STX2: variants seen among roughly 807,000 people sequenced by gnomAD.
STX2 encodes the protein syntaxin-2.
Under a neutral mutation model 40.6 loss-of-function variants are expected in STX2, and 27 were observed. That is an observed-to-expected ratio of 0.66 (90% CI 0.49 to 0.92). STX2 has a LOEUF of 0.92. STX2 is among the 40% of genes least tolerant of loss of function. The pLI is 0.00. For synonymous variants in STX2, 123 were observed against 119.1 expected (o/e 1.03, Z -0.22); for missense variants, 328 against 366.1 (o/e 0.90, Z 0.85).
In STX2 at chr12:130,790,603, C is replaced by G. The variant is rs1950853774; in HGVS notation, c.*1420G>C. On this transcript the variant is annotated 3_prime_UTR_variant, in exon 11 of 11. Coordinates refer to ENST00000392373, the MANE Select transcript of STX2 (RefSeq NM_194356.4). Reference sequence around the variant, plus strand: ...TTTTGGAAATTAACTTTTAAAAGTTCAGCAAAACATTAGGTACTTAACAAC... The same window carrying G: ...TTTTGGAAATTAACTTTTAAAAGTTGAGCAAAACATTAGGTACTTAACAAC... The G allele has an allele frequency of 6.6e-6, 1 of 152,180 alleles. No homozygotes were observed. The highest frequency in any genetic ancestry group is 2.4e-5 in the African/African-American group (1 of 41,448). The allele number at this position is 152,180 out of a possible 1,614,324, so 9.4% of individuals were successfully genotyped here. A position where few individuals can be genotyped will look rare whatever the true frequency, so the allele number is the denominator to read the frequency against.
intron 2 of STX2, among the ~76,000 whole-genome samples, chr12:130,822,719 A>T (rs1273731858): frequency 6.6e-6 from 1 of 152,154 alleles, no homozygotes; most frequent in Non-Finnish European, 1.5e-5. Context: ...GGATCTGGAG[A>T]CGGGAAATGA....
intron 1 of STX2, among the ~76,000 whole-genome samples, chr12:130,833,911 C>T (rs1292534173): frequency 6.6e-6 from 1 of 152,174 alleles, no homozygotes; most frequent in Non-Finnish European, 1.5e-5. Flanking sequence ...ACTGAGGCTT[C>T]AGAGCACAAA....
chr12:130,791,707 C>T lies in STX2; in HGVS notation c.*316G>A, dbSNP rs76800241. 9.7e-3 allele frequency: 5,358 copies of T among 550,754 alleles called. 81 individuals are homozygous for T. The highest frequency in any genetic ancestry group is 0.045 in the African/African-American group (2,364 of 52,024). 34.1% of individuals were successfully genotyped at this position (550,754 alleles called of 1,614,324 possible). A position where few individuals can be genotyped will look rare whatever the true frequency, so the allele number is the denominator to read the frequency against. ...GTGTGTCATTCAGGGTCACGCATCA[C>T]ACCCACTGTGCTTACGGCGCTGTCA... On this transcript the variant is annotated 3_prime_UTR_variant, in exon 11 of 11. Coordinates refer to ENST00000392373, the MANE Select transcript of STX2 (RefSeq NM_194356.4).
At chr12:130,808,521 T>C in intron 5 of STX2, 110 bp downstream of exon 5, 1 of 968,938 alleles carries the variant, frequency 1.0e-6, no homozygotes, top group Middle Eastern at 2.2e-4. Context: ...GCAGAAATAC[T>C]ATGAGGATAA....
intron 2 of STX2, among the ~76,000 whole-genome samples, chr12:130,826,248 C>A (rs1952299446): frequency 6.6e-6 from 1 of 152,220 alleles, no homozygotes; most frequent in Non-Finnish European, 1.5e-5. Context: ...CCACGCACAC[C>A]TGACCCCTGC....
chr12:130,819,497 A>C (rs1166385741), intron 3 of STX2, among the ~76,000 whole-genome samples: 4 of 152,262 alleles, frequency 2.6e-5, no homozygotes, highest in Non-Finnish European at 5.9e-5. Context: ...TCACAAAACA[A>C]AACACAAAAA....
chr12:130,812,194 A>G lies in STX2; in HGVS notation c.280+763T>C, dbSNP rs1296325342. 1.3e-5 allele frequency: 3 copies of G among 227,080 alleles called. No homozygotes were observed. In the Admixed American group the frequency reaches 1.7e-4, roughly 13 times the overall value. 14.1% of individuals were successfully genotyped at this position (227,080 alleles called of 1,614,324 possible). A position where few individuals can be genotyped will look rare whatever the true frequency, so the allele number is the denominator to read the frequency against. ...CTGTTTAAAAAAAAAAAATCGTAAG[A>G]CCACTGGGGAAATTCTGCCTGGATA... On this transcript the variant is annotated intron_variant, in intron 4 of 10. Coordinates refer to ENST00000392373, the MANE Select transcript of STX2 (RefSeq NM_194356.4).
chr12:130,795,773 C>T (rs1754746583), intron 10 of STX2, among the ~76,000 whole-genome samples: 1 of 152,014 alleles, frequency 6.6e-6, no homozygotes, highest in Admixed American at 6.6e-5. Flanking sequence ...AAGAAGGTGA[C>T]CTTGGTTTAA....
intron 3 of STX2, among the ~76,000 whole-genome samples, chr12:130,818,741 AG>A (rs1205788212): frequency 6.6e-6 from 1 of 152,218 alleles, no homozygotes; most frequent in African/African-American, 2.4e-5. Context: ...CTGAGGGAAC[AG>A]GAAGCAGAGA....
intron 3 of STX2, among the ~76,000 whole-genome samples, chr12:130,817,361 T>C (rs1951898765): frequency 6.6e-6 from 1 of 151,918 alleles, no homozygotes; most frequent in Non-Finnish European, 1.5e-5. Flanking sequence ...AGACAATCGC[T>C]GAAGAGAAAT....
At chr12:130,818,927 T>G (rs1255873008) in intron 3 of STX2, among the ~76,000 whole-genome samples, 1 of 152,186 alleles carries the variant, frequency 6.6e-6, no homozygotes, top group African/African-American at 2.4e-5. Flanking sequence ...CCTGCAGGGC[T>G]GGATCCGCGT....
chr12:130,819,475 G>A (rs190793881), intron 3 of STX2, among the ~76,000 whole-genome samples: 126 of 152,246 alleles, frequency 8.3e-4, no homozygotes, highest in African/African-American at 2.8e-3. Flanking sequence ...CTACATTTTG[G>A]TTCACACTCT....
chr12:130,809,245 T>C (rs964681177), intron 4 of STX2, among the ~76,000 whole-genome samples: 7 of 151,838 alleles, frequency 4.6e-5, no homozygotes, highest in Non-Finnish European at 1.0e-4. Flanking sequence ...TACACACAGA[T>C]ATATATACAC....
intron 5 of STX2, 90 bp from the exon 6 acceptor site, chr12:130,807,180 T>C: frequency 8.2e-7 from 1 of 1,225,898 alleles, no homozygotes; most frequent in Non-Finnish European, 1.2e-6. Flanking sequence ...AAACTCAAAC[T>C]ACATGTTATT....
intron 1 of STX2, among the ~76,000 whole-genome samples, chr12:130,837,379 C>T (rs1430952158): frequency 3.3e-5 from 5 of 152,088 alleles, no homozygotes; most frequent in African/African-American, 7.2e-5. Context: ...CTGCAACCTC[C>T]GCCTCCTGGA....
In STX2 at chr12:130,810,236, T is replaced by C. The variant is rs1051413648; in HGVS notation, c.281-1532A>G. Among the ~76,000 whole-genome samples, 8 of 152,242 alleles carry C rather than the reference T, an allele frequency of 5.3e-5. No homozygotes were observed. The South Asian group carries it at 1.4e-3, about 28-fold the overall frequency. On this transcript the variant is annotated intron_variant, in intron 4 of 10. Transcript: ENST00000392373. Reference sequence around the variant, plus strand: ...TCAGTGAGAACCAGAATTTGGGGCATAGTTGAAAGGAAATAAAGATGTAAT... The same window carrying C: ...TCAGTGAGAACCAGAATTTGGGGCACAGTTGAAAGGAAATAAAGATGTAAT...
intron 1 of STX2, among the ~76,000 whole-genome samples, chr12:130,833,477 C>T (rs557144577): frequency 8.5e-4 from 123 of 145,546 alleles, no homozygotes; most frequent in Non-Finnish European, 1.7e-3. Flanking sequence ...GTGGCAGGAT[C>T]TTGGCTTACT....
intron 1 of STX2, among the ~76,000 whole-genome samples, chr12:130,832,009 T>C (rs1453147095): frequency 6.6e-6 from 1 of 151,986 alleles, no homozygotes; most frequent in Admixed American, 6.6e-5. Flanking sequence ...TAACTGGGAC[T>C]ACAGGCACAC....
chr12:130,838,405 G>A (rs1431545350), intron 1 of STX2, among the ~76,000 whole-genome samples: 1 of 152,162 alleles, frequency 6.6e-6, no homozygotes, highest in African/African-American at 2.4e-5. Flanking sequence ...CTGTGTGCCC[G>A]GCTGCTGGGC....
Sources: gnomAD v4.1 joint callset for allele counts (sites outside exome capture counted in the v4.1 genomes callset) on GRCh38, gnomAD v4.1.1 for gene constraint, MANE v1.5 for transcripts, NCBI Gene and HGNC (gene_info 2026-07-23, HGNC 2026-07-21) for gene names.